Variants in DPP6 observed in about 807,000 individuals in gnomAD.
The protein encoded by DPP6 is A-type potassium channel modulatory protein DPP6.
A neutral mutation model predicts 122.6 loss-of-function variants in DPP6; 69 were observed. That is an observed-to-expected ratio of 0.56 (90% CI 0.46 to 0.69). The LOEUF (loss-of-function observed/expected upper bound fraction) is 0.69, where lower values mean the gene tolerates loss of function less well. Ranked by LOEUF, DPP6 falls within the 30% of genes least tolerant of loss-of-function variation. The probability of loss-of-function intolerance (pLI) is 0.00; values close to 1 mark genes in which losing one functional copy is unlikely to be tolerated. For missense variants in DPP6, 928 were observed against 1,116.9 expected (o/e 0.83, Z 2.41); for synonymous variants, 418 against 433.1 (o/e 0.97, Z 0.43).
chr7:154,375,649 A>T (rs1464933851), intron 1 of DPP6, among the ~76,000 whole-genome samples: 1 of 145,304 alleles, frequency 6.9e-6, no homozygotes, highest in African/African-American at 2.9e-5. Context: ...AGCCATCCAC[A>T]AGCCAGGAAG....
At chr7:154,351,422 A>G (rs545975694) in intron 1 of DPP6, among the ~76,000 whole-genome samples, 25 of 152,294 alleles carry the variant, frequency 1.6e-4, no homozygotes, top group African/African-American at 6.0e-4. Flanking sequence ...AGAACCCAGG[A>G]GCCAAAAATA....
At chr7:154,666,298 A>G (rs887303516) in intron 6 of DPP6, among the ~76,000 whole-genome samples, 17 of 150,254 alleles carry the variant, frequency 1.1e-4, no homozygotes, top group Non-Finnish European at 1.0e-4. Context: ...CTGTTTATAG[A>G]GTTATTCATT....
the DPP6 span, among the ~76,000 whole-genome samples, chr7:153,860,755 C>T: frequency 6.6e-6 from 1 of 152,126 alleles, no homozygotes; most frequent in African/African-American, 2.4e-5. Context: ...CTTTAAATCA[C>T]ACCTATATAA....
intron 3 of DPP6, among the ~76,000 whole-genome samples, chr7:154,485,591 A>G (rs1264426907): frequency 2.0e-5 from 3 of 152,216 alleles, no homozygotes; most frequent in South Asian, 2.1e-4. Flanking sequence ...CTCTGAGCTA[A>G]GACAATTATT....
At chr7:153,848,616 T>G in the DPP6 span, among the ~76,000 whole-genome samples, 8 of 152,308 alleles carry the variant, frequency 5.3e-5, no homozygotes, top group African/African-American at 1.9e-4. Flanking sequence ...TCTCTACAAC[T>G]GTCAAATGGT....
intron 1 of DPP6, among the ~76,000 whole-genome samples, chr7:154,195,840 G>A (rs550370696): frequency 1.3e-5 from 2 of 152,240 alleles, no homozygotes; most frequent in South Asian, 4.2e-4. Flanking sequence ...GTGTGTCCTT[G>A]CACTCCCTGC....
At chr7:154,286,822 T>G (rs1477414322) in intron 1 of DPP6, among the ~76,000 whole-genome samples, 1 of 151,140 alleles carries the variant, frequency 6.6e-6, no homozygotes, top group Non-Finnish European at 1.5e-5. Flanking sequence ...TTTTTTTTTC[T>G]TTTGAGACAG....
chr7:154,745,419 T>A (rs1842992889), intron 8 of DPP6, among the ~76,000 whole-genome samples: 1 of 152,172 alleles, frequency 6.6e-6, no homozygotes, highest in South Asian at 2.1e-4. Context: ...TAGCATTCAG[T>A]AAATATTTAT....
intron 1 of DPP6, among the ~76,000 whole-genome samples, chr7:154,381,992 C>T (rs1813653460): frequency 6.6e-6 from 1 of 152,036 alleles, no homozygotes; most frequent in African/African-American, 2.4e-5. Flanking sequence ...CAGCTTGCGC[C>T]CAGGGAAATT....
rs1211939292 is a variant in DPP6 at position 154,486,782 on chromosome 7, C to T, written c.457+11745C>T. ...GAGGTGTGTCTTGGGGCAGGGCAGCCGATTTCTTCCACACCACGCTGGTCC... is the reference window on the plus strand; with the variant it reads ...GAGGTGTGTCTTGGGGCAGGGCAGCTGATTTCTTCCACACCACGCTGGTCC... On this transcript the variant is annotated intron_variant, in intron 3 of 25. Coordinates refer to ENST00000377770, the MANE Select transcript of DPP6 (RefSeq NM_130797.4). The surrounding 1 kb of genome is among the most constrained non-coding windows in gnomAD (Gnocchi z 4.5). Among the ~76,000 whole-genome samples the T allele has an allele frequency of 1.3e-5, 2 of 152,150 alleles. No homozygotes were observed. The highest frequency in any genetic ancestry group is 2.4e-5 in the African/African-American group (1 of 41,438).
At chr7:154,678,951 T>C (rs1490349582) in intron 7 of DPP6, among the ~76,000 whole-genome samples, 1 of 152,160 alleles carries the variant, frequency 6.6e-6, no homozygotes. Context: ...ACGTTCTCAA[T>C]AAATGTCTTT....
At chr7:154,626,176 G>A (rs1319324094) in intron 5 of DPP6, among the ~76,000 whole-genome samples, 1 of 152,124 alleles carries the variant, frequency 6.6e-6, no homozygotes, top group African/African-American at 2.4e-5. Context: ...CAATGCTATG[G>A]CTGATTTCAT....
intron 8 of DPP6, among the ~76,000 whole-genome samples, chr7:154,757,802 CA>C (rs1301951505): frequency 6.6e-6 from 1 of 152,196 alleles, no homozygotes; most frequent in Non-Finnish European, 1.5e-5. Context: ...CCTGTTACCA[CA>C]GGGGTGTTCA....
intron 15 of DPP6, 120 bp from the exon 16 acceptor site, chr7:154,806,874 G>A (rs1011477913): frequency 1.2e-5 from 16 of 1,337,552 alleles, no homozygotes; most frequent in Admixed American, 9.6e-5. Flanking sequence ...GAGGCCCGGG[G>A]GGTCTGTAGC....
At chr7:154,771,799 G>A (rs532436321) in intron 9 of DPP6, among the ~76,000 whole-genome samples, 72 of 152,278 alleles carry the variant, frequency 4.7e-4, no homozygotes, top group African/African-American at 1.7e-3. Context: ...AACCTTGATT[G>A]GTCTTAGTCT....
chr7:154,212,006 C>G (rs1021134333), intron 1 of DPP6, among the ~76,000 whole-genome samples: 13 of 152,124 alleles, frequency 8.5e-5, no homozygotes, highest in African/African-American at 2.7e-4. Context: ...CTCAGCTGCC[C>G]CTCACTGGGC....
intron 1 of DPP6, among the ~76,000 whole-genome samples, chr7:154,194,646 G>T (rs1798775823): frequency 6.6e-6 from 1 of 152,198 alleles, no homozygotes; most frequent in Non-Finnish European, 1.5e-5. Context: ...TTCTTTCGTT[G>T]TCAGACTTCC....
At chr7:154,577,385 G>A (rs1234098795) in intron 5 of DPP6, among the ~76,000 whole-genome samples, 1 of 152,198 alleles carries the variant, frequency 6.6e-6, no homozygotes, top group Non-Finnish European at 1.5e-5. Context: ...GACTGCTGGT[G>A]CAGGAGCAGC....
chr7:153,776,110 A>G, the DPP6 span, among the ~76,000 whole-genome samples: 7 of 152,146 alleles, frequency 4.6e-5, no homozygotes, highest in African/African-American at 1.7e-4. Flanking sequence ...ATAACTACCC[A>G]CAAAATTGGA....
Sources: gnomAD v4.1 joint callset for allele counts (sites outside exome capture counted in the v4.1 genomes callset) on GRCh38, gnomAD v4.1.1 for gene constraint, Gnocchi (gnomAD v3.1) non-coding constraint, MANE v1.5 for transcripts, NCBI Gene and HGNC (gene_info 2026-07-23, HGNC 2026-07-21) for gene names.